The following LLGL1 variants were observed in gnomAD, a reference collection of about 807,000 sequenced individuals.
The protein encoded by LLGL1 is lethal(2) giant larvae protein homolog 1.
A neutral mutation model predicts 110.6 loss-of-function variants in LLGL1; 58 were observed. The observed-to-expected ratio is 0.52, with a 90% CI of 0.42 to 0.65. LLGL1 has a LOEUF of 0.65. LLGL1 is among the 30% of genes least tolerant of loss of function. The pLI is 0.00. For missense variants in LLGL1, 1,229 were observed against 1,462.1 expected, an observed-to-expected ratio of 0.84 and a Z score of 2.60; for synonymous variants, 674 against 607.2, an observed-to-expected ratio of 1.11 and a Z score of -1.62.
Position 18,242,700 on chromosome 17 carries a change from G to A in LLGL1, c.3117-43G>A, listed in dbSNP as rs751010532. 3.2e-6 allele frequency: 5 copies of A among 1,563,376 alleles called. No homozygotes were observed. In the South Asian group the frequency reaches 3.5e-5, roughly 11 times the overall value. On this transcript the variant is annotated intron_variant, in intron 21 of 22. Transcript: ENST00000316843. ...GGCCTCCGTCCCCAGGGCTGCCAGG[G>A]GCTCCCCCGCCCCCACCCCTGAGCA...
chr17:18,235,008 G>A lies in LLGL1; in HGVS notation c.1060+15G>A, dbSNP rs375010103. On this transcript the variant is annotated intron_variant, in intron 9 of 22. Transcript: ENST00000316843. ...GCCCGAGGATGGTGCGTGCCCTGCC[G>A]TACCCTACCCTTTCCCAGCCCCACC... The A allele has an allele frequency of 1.6e-5, 26 of 1,613,852 alleles. No homozygotes were observed. The highest frequency in any genetic ancestry group is 5.3e-5 in the African/African-American group (4 of 75,028).
rs776875392 is a variant in LLGL1 at position 18,236,827 on chromosome 17, C to A, written c.1507-8C>A. ...GCCTGGACTCATTACTCCTTCCCAT[C>A]CCTCTAGGTGGGCTGCTTCGATCCC... On this transcript the variant is annotated splice_region_variant and splice_polypyrimidine_tract_variant and intron_variant, in intron 12 of 22. Transcript: ENST00000316843. The A allele has an allele frequency of 6.2e-7, 1 of 1,613,624 alleles. No homozygotes were observed. The highest frequency in any genetic ancestry group is 1.7e-5 in the Admixed American group (1 of 59,996).
In LLGL1 at chr17:18,225,750, T is replaced by G; in HGVS notation, c.68T>G (p.Phe23Cys). 1 of 1,024,532 alleles carries G rather than the reference T, an allele frequency of 9.8e-7. No individual in the cohort carries two copies. Among genetic ancestry groups the G allele is most frequent in the Non-Finnish European group, 1.2e-6 (1 of 847,654 alleles). 63.5% of individuals were successfully genotyped at this position (1,024,532 alleles called of 1,614,324 possible). The change falls in exon 1 of 23, where the codon TTC becomes TGC. Residue 23 changes from phenylalanine (F) to cysteine (C), a missense_variant. Physicochemically the swap from Phe to Cys is radical, Grantham distance 205. Coordinates refer to ENST00000316843, the MANE Select transcript of LLGL1 (RefSeq NM_004140.4). Reference sequence around the variant, plus strand: ...CGCGAGAAGCTCAAGCAGGAGCTTTTCGCCTTCAACAAGGTGCGGCGGCGG... The same window carrying G: ...CGCGAGAAGCTCAAGCAGGAGCTTTGCGCCTTCAACAAGGTGCGGCGGCGG... ...PQREKLKQELFAFNKTVEHGF... is the reference protein window; with the variant it reads ...PQREKLKQELCAFNKTVEHGF...
chr17:18,241,964 G>A lies in LLGL1; in HGVS notation c.2847G>A (p.Leu949=), dbSNP rs1160014563. 2 of 1,614,096 alleles carry A rather than the reference G, an allele frequency of 1.2e-6. No individual in the cohort carries two copies. Among genetic ancestry groups the A allele is most frequent in the South Asian group, 1.1e-5 (1 of 91,082 alleles). ...ACATCACAGAGCCGCTCTGCTCTCT[G>A]GACATTAACTGGCCCCGCGATGCCA... The part of the protein sequence containing the change: ...ARNITEPLCS[L]DINWPRDATQ... The change falls in exon 19 of 23, where the codon CTG becomes CTA. Residue 949 remains leucine, a synonymous_variant. Coordinates refer to ENST00000316843, the MANE Select transcript of LLGL1 (RefSeq NM_004140.4).
Position 18,236,628 on chromosome 17 carries a change from G to A in LLGL1, c.1374G>A (p.Arg458=). The A allele has an allele frequency of 6.2e-7, 1 of 1,612,708 alleles. No homozygotes were observed. Among genetic ancestry groups the A allele is most frequent in the Non-Finnish European group, 8.5e-7 (1 of 1,179,754 alleles). The change falls in exon 12 of 23, where the codon AGG becomes AGA. Residue 458 remains arginine, a synonymous_variant. Coordinates refer to ENST00000316843, the MANE Select transcript of LLGL1 (RefSeq NM_004140.4). ...GCAGCCATGAGGACGGCACCGTGAGGTTCTGGGATGCCTCGGGTGTGGCGC... is the reference window on the plus strand; with the variant it reads ...GCAGCCATGAGGACGGCACCGTGAGATTCTGGGATGCCTCGGGTGTGGCGC... ...LLTGHEDGTV[R]FWDASGVALR...
At chr17:18,238,669 C>A in intron 16 of LLGL1, 60 bp downstream of exon 16, 2 of 1,523,064 alleles carry the variant, frequency 1.3e-6, no homozygotes, top group African/African-American at 2.7e-5. Flanking sequence ...CTCAATTGGC[C>A]ACCTGGGAGA....
intron 1 of LLGL1, among the ~76,000 whole-genome samples, chr17:18,228,642 A>G (rs2047504548): frequency 6.6e-6 from 1 of 152,152 alleles, no homozygotes; most frequent in Admixed American, 6.5e-5. Flanking sequence ...CGTTTGTAAA[A>G]TGGGAAGGCT....
At position 18,240,546 on chromosome 17, in the gene LLGL1, G is replaced by A. The variant is rs766933497; in HGVS notation, c.2207-32G>A. The A allele has an allele frequency of 2.6e-6, 4 of 1,550,900 alleles. No homozygotes were observed. Among genetic ancestry groups the A allele is most frequent in the South Asian group, 1.2e-5 (1 of 82,110 alleles). On this transcript the variant is annotated intron_variant, in intron 16 of 22. Transcript: ENST00000316843. This position sits in a 1 kb window ranked among gnomAD's most constrained non-coding sequence, Gnocchi z 5.3. ...CCCAGGGGAGATGCCTGGCCCACAG[G>A]GAGCACCCTCCTACGCGCTTGTTTT...
In LLGL1 at chr17:18,234,635, G is replaced by C. The variant is rs770965755; in HGVS notation, c.851-14G>C. On this transcript the variant is annotated splice_polypyrimidine_tract_variant and intron_variant, in intron 7 of 22. Coordinates refer to ENST00000316843, the MANE Select transcript of LLGL1 (RefSeq NM_004140.4). ...CCACCAGTGAGTCTGGTCTGACGCT[G>C]TCCCACCCCTCAGGCCCCTTTCCCT... is the stretch of plus-strand genomic sequence containing the variant. 3.7e-6 allele frequency: 6 copies of C among 1,614,082 alleles called. No individual in the cohort carries two copies. Among genetic ancestry groups the C allele is most frequent in the African/African-American group, 1.3e-5 (1 of 75,036 alleles).
At chr17:18,226,523 C>A (rs1302244814) in intron 1 of LLGL1, among the ~76,000 whole-genome samples, 1 of 152,220 alleles carries the variant, frequency 6.6e-6, no homozygotes, top group African/African-American at 2.4e-5. Context: ...CTGCCCTGCC[C>A]GGGGCTCCGA....
In LLGL1 at chr17:18,225,734, C is replaced by T; in HGVS notation, c.52C>T (p.Leu18Phe). 9.4e-7 allele frequency: 1 copy of T among 1,058,990 alleles called. No homozygotes were observed. The highest frequency in any genetic ancestry group is 8.5e-5 in the East Asian group (1 of 11,758). 65.6% of individuals were successfully genotyped at this position (1,058,990 alleles called of 1,614,324 possible). A position where few individuals can be genotyped will look rare whatever the true frequency, so the allele number is the denominator to read the frequency against. Residue 18 changes from leucine (L) to phenylalanine (F), a missense_variant, in exon 1 of 23, where the codon CTC (leucine) becomes TTC (phenylalanine). Leu to Phe is a conservative substitution (Grantham distance 22). Coordinates refer to ENST00000316843, the MANE Select transcript of LLGL1 (RefSeq NM_004140.4). ...GGGCGCCGACCCGCAGCGCGAGAAG[C>T]TCAAGCAGGAGCTTTTCGCCTTCAA... ...RQGADPQREK[L>F]KQELFAFNKT...
Position 18,241,621 on chromosome 17 carries a change from G to C in LLGL1, c.2673G>C (p.Ser891=). The change falls in exon 18 of 23, where the codon TCG becomes TCC. Residue 891 remains serine, a synonymous_variant. Transcript: ENST00000316843. Reference sequence around the variant, plus strand: ...ACCTGGGTGACGTCCACGTCTTCTCGGTGCCTGGCCTGCGGCCCCAGGTGC... The same window carrying C: ...ACCTGGGTGACGTCCACGTCTTCTCCGTGCCTGGCCTGCGGCCCCAGGTGC... ...LTNLGDVHVF[S]VPGLRPQVHY... is the part of the protein sequence containing the mutation. The C allele has an allele frequency of 1.2e-6, 2 of 1,613,598 alleles. No individual in the cohort carries two copies. Among genetic ancestry groups the C allele is most frequent in the Non-Finnish European group, 1.7e-6 (2 of 1,180,026 alleles).
At position 18,241,380 on chromosome 17, in the gene LLGL1, G is replaced by A. The variant is rs548907508; in HGVS notation, c.2503-71G>A. On this transcript the variant is annotated intron_variant, in intron 17 of 22. Transcript: ENST00000316843. Reference sequence around the variant, plus strand: ...TGTGGTGGGGGCTGTTGGGTCAGCAGCCACGAGGGTGAGGGGCCCTGGGGA... The same window carrying A: ...TGTGGTGGGGGCTGTTGGGTCAGCAACCACGAGGGTGAGGGGCCCTGGGGA... 6,891 of 1,530,600 alleles carry A rather than the reference G, an allele frequency of 4.5e-3. 15 individuals carry two copies. Among genetic ancestry groups the A allele is most frequent in the Admixed American group, 6.6e-3 (351 of 53,572 alleles). 94.8% of individuals were successfully genotyped at this position (1,530,600 alleles called of 1,614,324 possible). A position where few individuals can be genotyped will look rare whatever the true frequency, so the allele number is the denominator to read the frequency against.
rs2047746736 is a variant in LLGL1, at chr17:18,238,475, A to G, written c.2072A>G (p.Gln691Arg). 6.2e-7 allele frequency: 1 copy of G among 1,611,322 alleles called. No individual in the cohort carries two copies. The highest frequency in any genetic ancestry group is 1.3e-5 in the African/African-American group (1 of 75,050). Residue 691 changes from glutamine to arginine, a missense_variant, in exon 16 of 23, where the codon CAG becomes CGG. By Grantham distance (43) the Gln-to-Arg change is conservative. Transcript: ENST00000316843. Reference protein sequence around the residue: ...ASSKLQEANAQLAEQACPHDV... With the variant: ...ASSKLQEANARLAEQACPHDV... ...CGGCAGTTGCAGGAAGCCAATGCAC[A>G]GCTGGCTGAGCAGGCCTGCCCCCAC...
In LLGL1 at chr17:18,244,678, G is replaced by A. The variant is rs2047946172; in HGVS notation, c.*772G>A. The A allele has an allele frequency of 6.8e-6, 1 of 146,078 alleles. No homozygotes were observed. Among genetic ancestry groups the A allele is most frequent in the African/African-American group, 2.6e-5 (1 of 37,820 alleles). The allele number at this position is 146,078 out of a possible 1,614,324, so 9.0% of individuals were successfully genotyped here. A position where few individuals can be genotyped will look rare whatever the true frequency, so the allele number is the denominator to read the frequency against. On this transcript the variant is annotated 3_prime_UTR_variant, in exon 23 of 23. Transcript: ENST00000316843. ...GGGCATGGATGTGACTGGGAGCTCT[G>A]CTGGGCACCCACATCTGGGGCCTAG...
Position 18,240,338 on chromosome 17 carries a change from G to A in LLGL1, c.2207-240G>A, listed in dbSNP as rs916022814. ...CGCTACAGCTGTTCGGGCCTCTGCA[G>A]GAGGGCTGCATCCTGGGCTCCGACT... On this transcript the variant is annotated intron_variant, in intron 16 of 22. Transcript: ENST00000316843. This position sits in a 1 kb window ranked among gnomAD's most constrained non-coding sequence, Gnocchi z 5.3. Among the ~76,000 whole-genome samples the A allele has an allele frequency of 3.9e-5, 6 of 152,148 alleles. No individual in the cohort carries two copies. The highest frequency in any genetic ancestry group is 7.4e-5 in the Non-Finnish European group (5 of 68,010).
At chr17:18,241,242 T>C in intron 17 of LLGL1, 1 of 636,082 alleles carries the variant, frequency 1.6e-6, no homozygotes, top group Non-Finnish European at 2.7e-6. Context: ...ATTGATTTTG[T>C]CACAGATCGA....
Position 18,241,969 on chromosome 17 carries a change from T to A in LLGL1, c.2852T>A (p.Ile951Asn). ...NITEPLCSLD[I>N]NWPRDATQAS... Reference sequence around the variant, plus strand: ...ACAGAGCCGCTCTGCTCTCTGGACATTAACTGGCCCCGCGATGCCACCCAG... The same window carrying A: ...ACAGAGCCGCTCTGCTCTCTGGACAATAACTGGCCCCGCGATGCCACCCAG... The change falls in exon 19 of 23, where the codon ATT becomes AAT. Residue 951 changes from isoleucine to asparagine, a missense_variant. Physicochemically the swap from Ile to Asn is moderately radical, Grantham distance 149. Coordinates refer to ENST00000316843, the MANE Select transcript of LLGL1 (RefSeq NM_004140.4). The A allele has an allele frequency of 6.2e-7, 1 of 1,614,060 alleles. No homozygotes were observed. The highest frequency in any genetic ancestry group is 8.5e-7 in the Non-Finnish European group (1 of 1,179,952).
chr17:18,237,955 G>T, intron 14 of LLGL1, 112 bp from the exon 15 acceptor site: 1 of 1,379,448 alleles, frequency 7.2e-7, no homozygotes. Context: ...CCATAGGACT[G>T]CGCCAGAGGG....
Sources: allele counts gnomAD v4.1 joint callset (sites outside exome capture counted in the v4.1 genomes callset), GRCh38; gene constraint gnomAD v4.1.1; non-coding constraint Gnocchi (gnomAD v3.1); transcripts MANE v1.5; gene names NCBI Gene and HGNC (gene_info 2026-07-23, HGNC 2026-07-21).